Variants in TRPM3 observed in about 807,000 individuals in gnomAD.
TRPM3 encodes the protein transient receptor potential cation channel subfamily M member 3, also known as long transient receptor potential channel 3.
TRPM3 carries 77 observed loss-of-function variants against 181.2 expected under a neutral mutation model. The observed-to-expected ratio is 0.42, with a 90% confidence interval of 0.35 to 0.51. The LOEUF (loss-of-function observed/expected upper bound fraction) is 0.51, where lower values mean the gene tolerates loss of function less well. Among genes scored for constraint, TRPM3 ranks in the 20% least tolerant of loss-of-function variants. The pLI, the probability that TRPM3 is intolerant of heterozygous loss-of-function variation, is 0.01. For missense variants in TRPM3, 1,759 were observed against 2,196.7 expected, an observed-to-expected ratio of 0.80 and a Z score of 3.98; for synonymous variants, 745 against 796.4, an observed-to-expected ratio of 0.94 and a Z score of 1.09.
intron 1 of TRPM3, among the ~76,000 whole-genome samples, chr9:70,995,810 A>T (rs1487462330): frequency 6.6e-6 from 1 of 152,172 alleles, no homozygotes; most frequent in African/African-American, 2.4e-5. Context: ...ACCCATACAT[A>T]CAGAGTCACA....
intron 1 of TRPM3, among the ~76,000 whole-genome samples, chr9:71,415,515 C>T (rs1283187169): frequency 1.3e-5 from 2 of 151,826 alleles, no homozygotes; most frequent in East Asian, 3.9e-4. Flanking sequence ...TAAATAAAAG[C>T]AGTACGCTGG....
At chr9:70,904,688 T>C (rs1589671893) in intron 1 of TRPM3, among the ~76,000 whole-genome samples, 2 of 152,304 alleles carry the variant, frequency 1.3e-5, no homozygotes, top group South Asian at 4.1e-4. Context: ...TATACTTAGT[T>C]TAAGAAGACA....
Position 71,420,500 on chromosome 9 carries a change from G to A in TRPM3, c.183+26153C>T, listed in dbSNP as rs538038236. Reference sequence around the variant, plus strand: ...AACAGATACCAGAAGAAGCTTTCTCGCAGCAACAAAGAAAGAAAAAGAGAA... The same window carrying A: ...AACAGATACCAGAAGAAGCTTTCTCACAGCAACAAAGAAAGAAAAAGAGAA... On this transcript the variant is annotated intron_variant, in intron 1 of 24. Coordinates refer to the TRPM3 transcript ENST00000357533. Among the ~76,000 whole-genome samples, 12 of 148,034 alleles carry A rather than the reference G, an allele frequency of 8.1e-5. 1 individual carries two copies. Among genetic ancestry groups the A allele is most frequent in the Admixed American group, 3.4e-4 (5 of 14,660 alleles).
At chr9:71,426,775 T>C (rs1429823646) in intron 1 of TRPM3, among the ~76,000 whole-genome samples, 1 of 152,082 alleles carries the variant, frequency 6.6e-6, no homozygotes, top group Non-Finnish European at 1.5e-5. Flanking sequence ...AGAACACTGA[T>C]TTACACTGTG....
intron 9 of TRPM3, among the ~76,000 whole-genome samples, chr9:70,669,008 A>G (rs1359341592): frequency 6.6e-6 from 1 of 152,176 alleles, no homozygotes; most frequent in Non-Finnish European, 1.5e-5. Flanking sequence ...TGGGATGGCA[A>G]TTAGCTTACT....
chr9:71,081,880 C>A lies in TRPM3; in HGVS notation c.177+39298G>T, dbSNP rs182787757. Among the ~76,000 whole-genome samples the A allele has an allele frequency of 2.7e-3, 407 of 152,240 alleles. 1 individual carries two copies. The highest frequency in any genetic ancestry group is 9.3e-3 in the African/African-American group (388 of 41,550). On this transcript the variant is annotated intron_variant, in intron 1 of 25. Transcript: ENST00000677713. ...TCTGGCTTTTTCTTAGCAACATTGC[C>A]ACTTGGATTCATTGGACTTACAATT...
Position 70,813,664 on chromosome 9 carries a change from A to G in TRPM3, c.973+14183T>C, listed in dbSNP as rs951598564. 3.3e-5 allele frequency among the ~76,000 whole-genome samples: 5 copies of G among 152,210 alleles called. No individual in the cohort carries two copies. In the East Asian group the frequency reaches 9.6e-4, roughly 29 times the overall value. On this transcript the variant is annotated intron_variant, in intron 6 of 25. Coordinates refer to ENST00000677713, the MANE Select transcript of TRPM3 (RefSeq NM_001366145.2). ...ACCTCCCGAAACTAAAATAAAAATT[A>G]GAGAAAAAAAACACTTGCTGCTTTA... is the stretch of plus-strand genomic sequence containing the variant.
intron 1 of TRPM3, among the ~76,000 whole-genome samples, chr9:71,307,260 C>G (rs1275014685): frequency 6.6e-6 from 1 of 151,820 alleles, no homozygotes; most frequent in African/African-American, 2.4e-5. Context: ...ATTTTTATTT[C>G]CTTTTTCTAT....
chr9:70,947,055 A>G (rs773299501), intron 1 of TRPM3, among the ~76,000 whole-genome samples: 61 of 152,222 alleles, frequency 4.0e-4, no homozygotes, highest in Non-Finnish European at 7.1e-4. Flanking sequence ...GTGAACATGT[A>G]TACGCATTTT....
chr9:71,196,523 A>T (rs2078376003), intron 1 of TRPM3, among the ~76,000 whole-genome samples: 1 of 151,690 alleles, frequency 6.6e-6, no homozygotes, highest in Non-Finnish European at 1.5e-5. Context: ...CATTATCATG[A>T]TCCTGTGTAT....
At chr9:71,417,794 T>A (rs2093659332) in intron 1 of TRPM3, among the ~76,000 whole-genome samples, 1 of 152,004 alleles carries the variant, frequency 6.6e-6, no homozygotes, top group Non-Finnish European at 1.5e-5. Context: ...ACATGATTAT[T>A]CCAAAAGCCA....
intron 9 of TRPM3, among the ~76,000 whole-genome samples, chr9:70,668,482 G>C (rs531594958): frequency 4.6e-5 from 7 of 152,090 alleles, no homozygotes; most frequent in African/African-American, 1.7e-4. Context: ...GGCTAACACA[G>C]TGAAACCCCG....
intron 19 of TRPM3, among the ~76,000 whole-genome samples, chr9:70,604,997 C>G (rs1269133240): frequency 3.4e-5 from 5 of 146,232 alleles, no homozygotes; most frequent in Non-Finnish European, 6.0e-5. Context: ...CACTCTATTG[C>G]CCAGGCTGGA....
chr9:71,252,139 A>G (rs950842307), intron 1 of TRPM3, among the ~76,000 whole-genome samples: 7 of 152,192 alleles, frequency 4.6e-5, no homozygotes, highest in African/African-American at 2.4e-5. Context: ...TAGTGCTGCA[A>G]TAAACATGGG....
At chr9:71,360,285 C>G (rs2092089624) in intron 1 of TRPM3, among the ~76,000 whole-genome samples, 1 of 152,080 alleles carries the variant, frequency 6.6e-6, no homozygotes, top group South Asian at 2.1e-4. Context: ...AATTATTTGA[C>G]CTTGAACGAG....
chr9:71,096,588 A>ACTCTCTCTCTCTCTCTCTCTCTCTCT (rs1256142555), intron 1 of TRPM3, among the ~76,000 whole-genome samples: 16 of 96,940 alleles, frequency 1.7e-4, no homozygotes, highest in African/African-American at 6.5e-4. Flanking sequence ...ACACACACAC[A>ACTCTCTCTCTCTCTCTCTCTCTCTCT]CACTCTCTCT....
chr9:70,743,910 T>G (rs2074629749), intron 8 of TRPM3, among the ~76,000 whole-genome samples: 1 of 152,204 alleles, frequency 6.6e-6, no homozygotes, highest in Non-Finnish European at 1.5e-5. Flanking sequence ...AGAGTAGTTA[T>G]ATTTTTCCAC....
chr9:70,983,601 G>A (rs1764512805), intron 1 of TRPM3, among the ~76,000 whole-genome samples: 1 of 152,158 alleles, frequency 6.6e-6, no homozygotes. Flanking sequence ...AGAGACTTGT[G>A]GGCAGGCAGA....
chr9:70,662,324 A>C (rs576557551), intron 9 of TRPM3, among the ~76,000 whole-genome samples: 2 of 152,346 alleles, frequency 1.3e-5, no homozygotes, highest in African/African-American at 4.8e-5. Context: ...AAAATTCTAG[A>C]AGATAACATC....
Sources: gnomAD v4.1 joint callset for allele counts (sites outside exome capture counted in the v4.1 genomes callset) on GRCh38, gnomAD v4.1.1 for gene constraint, MANE v1.5 for transcripts, NCBI Gene and HGNC (gene_info 2026-07-23, HGNC 2026-07-21) for gene names.